SCG5: variants seen among roughly 807,000 people sequenced by gnomAD.
SCG5 encodes the protein secretogranin V, also known as neuroendocrine protein 7B2.
A neutral mutation model predicts 25.7 loss-of-function variants in SCG5; 18 were observed. The observed-to-expected ratio is 0.70, with a 90% CI of 0.48 to 1.04. The LOEUF (loss-of-function observed/expected upper bound fraction) is 1.04. Ranked by LOEUF, SCG5 falls within the 50% of genes least tolerant of loss-of-function variation. The probability of loss-of-function intolerance (pLI) is 0.00; values close to 1 mark genes in which losing one functional copy is unlikely to be tolerated. For synonymous variants in SCG5, 101 were observed against 91.7 expected, an observed-to-expected ratio of 1.10 and a Z score of -0.58; for missense variants, 206 against 259.8, an observed-to-expected ratio of 0.79 and a Z score of 1.42.
At chr15:32,675,109 T>C (rs2054508484) in intron 2 of SCG5, among the ~76,000 whole-genome samples, 1 of 152,200 alleles carries the variant, frequency 6.6e-6, no homozygotes, top group African/African-American at 2.4e-5. Flanking sequence ...GGCTTAAAAC[T>C]CATTTGGCAA....
chr15:32,665,973 CT>C (rs1218798244), intron 2 of SCG5: 1 of 152,072 alleles, frequency 6.6e-6, no homozygotes, highest in African/African-American at 2.4e-5. Flanking sequence ...GGATATGGTT[CT>C]AATTAAAATT....
chr15:32,649,020 T>C (rs1277626121), intron 2 of SCG5, among the ~76,000 whole-genome samples: 5 of 152,230 alleles, frequency 3.3e-5, no homozygotes, highest in Admixed American at 2.0e-4. Flanking sequence ...CCTCCCAAAG[T>C]GCTGGGATTA....
chr15:32,682,765 C>A (rs867080941), intron 3 of SCG5, among the ~76,000 whole-genome samples: 1 of 152,216 alleles, frequency 6.6e-6, no homozygotes, highest in Non-Finnish European at 1.5e-5. Flanking sequence ...CAACACAGCA[C>A]AGTTGAGCAA....
chr15:32,673,730 G>GGTTT (rs952127895), intron 2 of SCG5, among the ~76,000 whole-genome samples: 15 of 152,024 alleles, frequency 9.9e-5, no homozygotes, highest in East Asian at 1.9e-4. Context: ...ATTTAATATA[G>GGTTT]GTTTGTTTGT....
Position 32,679,782 on chromosome 15 carries a change from A to T in SCG5, c.243A>T (p.Gly81=), listed in dbSNP as rs1336905078. The T allele has an allele frequency of 6.2e-7, 1 of 1,614,000 alleles. No homozygotes were observed. Among genetic ancestry groups the T allele is most frequent in the South Asian group, 1.1e-5 (1 of 91,090 alleles). The stretch of plus-strand genomic sequence containing the variant: ...CCCTCGCAGGTGGAGCTCATGAAGG[A>T]CTTCAGCATTTGGGTCCTTTTGGCA... ...PQSIEGGAHE[G]LQHLGPFGNI... The change falls in exon 3 of 6, where the codon GGA becomes GGT. Residue 81 remains glycine, a synonymous_variant. Transcript: ENST00000300175.
chr15:32,644,079 G>A (rs2140494334), intron 2 of SCG5, among the ~76,000 whole-genome samples: 1 of 152,298 alleles, frequency 6.6e-6, no homozygotes, highest in East Asian at 1.9e-4. Flanking sequence ...ATTCATAGCT[G>A]TAGCCCTAGC....
Position 32,696,410 on chromosome 15 carries a change from C to G in SCG5, c.544-104C>G, listed in dbSNP as rs1229191489. ...GGGATTACAGGCGTGAGCCACCGCG[C>G]CCGGCCCCAGAAACGATTCTTGTTC... On this transcript the variant is annotated intron_variant, in intron 5 of 5. Coordinates refer to ENST00000300175, the MANE Select transcript of SCG5 (RefSeq NM_001144757.3). The G allele has an allele frequency of 6.1e-6, 5 of 816,892 alleles. 1 individual carries two copies. In the Middle Eastern group the frequency reaches 7.9e-4, roughly 129 times the overall value. The allele number at this position is 816,892 out of a possible 1,614,324, so 50.6% of individuals were successfully genotyped here. A position where few individuals can be genotyped will look rare whatever the true frequency, so the allele number is the denominator to read the frequency against.
At chr15:32,692,094 G>T (rs2054869628) in intron 5 of SCG5, 1 of 1,169,720 alleles carries the variant, frequency 8.5e-7, no homozygotes, top group Non-Finnish European at 1.1e-6. Flanking sequence ...CCCTCCCAGG[G>T]TCTGTAGGCC....
chr15:32,685,397 C>A (rs990920917), intron 4 of SCG5, among the ~76,000 whole-genome samples: 1 of 152,102 alleles, frequency 6.6e-6, no homozygotes, highest in South Asian at 2.1e-4. Flanking sequence ...TTGACAAGAT[C>A]GTTTTATGTT....
In SCG5 at chr15:32,678,293, T is replaced by C. The variant is rs75508792; in HGVS notation, c.227-1473T>C. Among the ~76,000 whole-genome samples, 464 of 152,282 alleles carry C rather than the reference T, an allele frequency of 3.0e-3. 3 individuals are homozygous for C. The highest frequency in any genetic ancestry group is 0.011 in the African/African-American group (450 of 41,558). On this transcript the variant is annotated intron_variant, in intron 2 of 5. Coordinates refer to ENST00000300175, the MANE Select transcript of SCG5 (RefSeq NM_001144757.3). ...AACTCAGACAACATGGGAAAATATT[T>C]TCAGAAAATGCGACAGCCAAAGGCC...
rs11550871 is a variant in SCG5, at chr15:32,679,815, C to A, written c.276C>A (p.Pro92=). 1 of 1,613,920 alleles carries A rather than the reference C, an allele frequency of 6.2e-7. No homozygotes were observed. Among genetic ancestry groups the A allele is most frequent in the Non-Finnish European group, 8.5e-7 (1 of 1,179,854 alleles). Residue 92 remains proline (P), a synonymous_variant, in exon 3 of 6, where the codon CCC becomes CCA. Transcript: ENST00000300175. ...LQHLGPFGNI[P]NIVAELTGDN... ...ATTTGGGTCCTTTTGGCAACATCCC[C>A]AACATCGTGGCAGAGTTGACTGGAG...
chr15:32,655,448 TG>T (rs2054102342), intron 2 of SCG5, among the ~76,000 whole-genome samples: 2 of 152,306 alleles, frequency 1.3e-5, no homozygotes, highest in South Asian at 4.1e-4. Context: ...GGCACCACCA[TG>T]CCCTTCAGCT....
In SCG5 at chr15:32,650,638, C is replaced by G. The variant is rs559149937; in HGVS notation, c.226+6820C>G. On this transcript the variant is annotated intron_variant, in intron 2 of 5. Transcript: ENST00000300175. ...AGATGGGAGCTCTTGGGAGTTAGAA[C>G]TGGTTGTGCCAGCTGACACTGATGA... 5.3e-5 allele frequency among the ~76,000 whole-genome samples: 8 copies of G among 152,300 alleles called. No individual in the cohort carries two copies. In the South Asian group the frequency reaches 8.3e-4, roughly 16 times the overall value.
At chr15:32,643,503 C>T in intron 1 of SCG5, 83 bp from the exon 2 acceptor site, 1 of 1,137,642 alleles carries the variant, frequency 8.8e-7, no homozygotes. Flanking sequence ...GAACCACAAC[C>T]TGGAGTGGTT....
At chr15:32,696,210 C>T (rs368844344) in intron 5 of SCG5, among the ~76,000 whole-genome samples, 51 of 152,094 alleles carry the variant, frequency 3.4e-4, no homozygotes, top group African/African-American at 1.0e-3. Flanking sequence ...CTCCGCCTCC[C>T]GGGTTCACGC....
At chr15:32,692,272 G>A in intron 5 of SCG5, 1 of 987,090 alleles carries the variant, frequency 1.0e-6, no homozygotes, top group Non-Finnish European at 1.2e-6. Flanking sequence ...TCTTGGCCTA[G>A]CCAGACTGAT....
chr15:32,678,980 G>A (rs2054571423), intron 2 of SCG5, among the ~76,000 whole-genome samples: 1 of 152,198 alleles, frequency 6.6e-6, no homozygotes, highest in Non-Finnish European at 1.5e-5. Context: ...AGCTAAAATA[G>A]CAGGATAACA....
chr15:32,645,629 G>A (rs985327383), intron 2 of SCG5, among the ~76,000 whole-genome samples: 5 of 152,116 alleles, frequency 3.3e-5, no homozygotes, highest in Non-Finnish European at 7.3e-5. Context: ...CATTTGACCT[G>A]GGTTTTGAAG....
intron 2 of SCG5, among the ~76,000 whole-genome samples, chr15:32,644,023 C>T (rs2053906748): frequency 1.3e-5 from 2 of 152,188 alleles, no homozygotes; most frequent in South Asian, 4.1e-4. Context: ...TATACACACC[C>T]ACATGAGACT....
Sources: allele counts gnomAD v4.1 joint callset (sites outside exome capture counted in the v4.1 genomes callset), GRCh38; gene constraint gnomAD v4.1.1; transcripts MANE v1.5; gene names NCBI Gene and HGNC (gene_info 2026-07-23, HGNC 2026-07-21).